The following AK5 variants were observed in gnomAD, a reference collection of about 807,000 sequenced individuals.
AK5 encodes adenylate kinase isoenzyme 5.
Under a neutral mutation model 69.5 loss-of-function variants are expected in AK5, and 27 were observed. That is an observed-to-expected ratio of 0.39 (90% confidence interval 0.29 to 0.54). The LOEUF (loss-of-function observed/expected upper bound fraction) is 0.54, where lower values mean the gene tolerates loss of function less well. Among genes scored for constraint, AK5 ranks in the 20% least tolerant of loss-of-function variants. The probability of loss-of-function intolerance (pLI) is 0.71; values close to 1 mark genes in which losing one functional copy is unlikely to be tolerated. For missense variants in AK5, 531 were observed against 700.4 expected (o/e 0.76, Z 2.73); for synonymous variants, 260 against 244.4 (o/e 1.06, Z -0.60).
At chr1:77,355,900 C>CACACAT (rs1173671492) in intron 6 of AK5, among the ~76,000 whole-genome samples, 1 of 144,040 alleles carries the variant, frequency 6.9e-6, no homozygotes, top group Non-Finnish European at 1.5e-5. Context: ...CACACACACA[C>CACACAT]ACACATATAT....
chr1:77,395,218 A>G (rs1348419881), intron 6 of AK5, among the ~76,000 whole-genome samples: 2 of 152,266 alleles, frequency 1.3e-5, no homozygotes, highest in East Asian at 1.9e-4. Context: ...TCTCTTTGTC[A>G]TTTTGTAAAA....
At chr1:77,470,177 C>A (rs779899895) in intron 8 of AK5, among the ~76,000 whole-genome samples, 1 of 152,124 alleles carries the variant, frequency 6.6e-6, no homozygotes, top group South Asian at 2.1e-4. Flanking sequence ...GCTACAAAAG[C>A]GTCTGTTGCA....
intron 12 of AK5, among the ~76,000 whole-genome samples, chr1:77,530,215 G>A (rs2100340563): frequency 6.6e-6 from 1 of 152,342 alleles, no homozygotes; most frequent in African/African-American, 2.4e-5. Flanking sequence ...CACTTGAGAT[G>A]TTTCTGCTCT....
rs749289212 is a variant in AK5 at position 77,521,815 on chromosome 1, G to A, written c.1312-12G>A. The A allele has an allele frequency of 1.2e-5, 20 of 1,608,162 alleles. No individual in the cohort carries two copies. In the East Asian group the frequency reaches 1.6e-4, roughly 13 times the overall value. Reference sequence around the variant, plus strand: ...AAGAGCTCAGGTCCTGACCACTCTCGCTTTGCTCCAGGGCATCGTTTTGGA... The same window carrying A: ...AAGAGCTCAGGTCCTGACCACTCTCACTTTGCTCCAGGGCATCGTTTTGGA... On this transcript the variant is annotated splice_polypyrimidine_tract_variant and intron_variant, in intron 11 of 13. Coordinates refer to ENST00000354567, the MANE Select transcript of AK5 (RefSeq NM_174858.3).
At chr1:77,475,935 A>T (rs2100707581) in intron 8 of AK5, among the ~76,000 whole-genome samples, 1 of 152,318 alleles carries the variant, frequency 6.6e-6, no homozygotes, top group Admixed American at 6.5e-5. Flanking sequence ...ATTTGAGATG[A>T]TGAAAAAAGG....
At chr1:77,324,850 T>TC (rs1182698503) in intron 5 of AK5, among the ~76,000 whole-genome samples, 3 of 152,176 alleles carry the variant, frequency 2.0e-5, no homozygotes, top group Non-Finnish European at 4.4e-5. Context: ...CATTGGGTAG[T>TC]CTCTCGGCTT....
chr1:77,413,043 G>GA (rs67859581), intron 7 of AK5, among the ~76,000 whole-genome samples: 4 of 151,234 alleles, frequency 2.6e-5, no homozygotes, highest in African/African-American at 7.3e-5. Context: ...CTGCCTTTCT[G>GA]AAAAAAAAAC....
At position 77,470,846 on chromosome 1, in the gene AK5, TATATA is replaced by T. The variant is rs1654424800; in HGVS notation, c.1060-12470_1060-12466del. 2.9e-4 allele frequency among the ~76,000 whole-genome samples: 8 copies of T among 27,206 alleles called. 2 individuals are homozygous for T. Among genetic ancestry groups the T allele is most frequent in the Admixed American group, 8.7e-4 (2 of 2,290 alleles). The allele number at this position is 27,206 out of a possible 152,430, so 17.8% of individuals were successfully genotyped here. On this transcript the variant is annotated intron_variant, in intron 8 of 13. Transcript: ENST00000354567. Reference sequence around the variant, plus strand: ...TTTAGAATATATATATATATATATATATATATATATATATATATATATATATATAT... The same window carrying T: ...TTTAGAATATATATATATATATATATTATATATATATATATATATATATAT...
intron 8 of AK5, among the ~76,000 whole-genome samples, chr1:77,449,066 G>A (rs946881630): frequency 2.6e-5 from 4 of 152,204 alleles, no homozygotes; most frequent in African/African-American, 9.6e-5. Context: ...TGGGGTCAGA[G>A]CCCCTACACA....
chr1:77,337,733 A>C (rs1374453549), intron 5 of AK5, among the ~76,000 whole-genome samples: 3 of 152,210 alleles, frequency 2.0e-5, no homozygotes, highest in African/African-American at 7.2e-5. Context: ...GGAAATACTA[A>C]CTTCTGAGTT....
chr1:77,557,417 C>G (rs1660162571), intron 13 of AK5: 1 of 176,212 alleles, frequency 5.7e-6, no homozygotes, highest in Non-Finnish European at 1.2e-5. Context: ...CCTGGCCTCC[C>G]AGGTGCTTCC....
chr1:77,508,701 T>A (rs1204090182), intron 10 of AK5, among the ~76,000 whole-genome samples: 1 of 151,994 alleles, frequency 6.6e-6, no homozygotes, highest in Non-Finnish European at 1.5e-5. Flanking sequence ...ACCCCGTCTC[T>A]ACTAAAAATA....
chr1:77,429,497 G>T (rs1242618050), intron 8 of AK5, among the ~76,000 whole-genome samples: 1 of 152,058 alleles, frequency 6.6e-6, no homozygotes, highest in Non-Finnish European at 1.5e-5. Context: ...GAGGTGCTGG[G>T]GATACATTGG....
Position 77,340,389 on chromosome 1 carries a change from G to A in AK5, c.712G>A (p.Asp238Asn), listed in dbSNP as rs1019747082. The change falls in exon 6 of 14, where the codon GAT (aspartate) becomes AAT (asparagine). Residue 238 changes from aspartate (D) to asparagine (N), a missense_variant. Asp to Asn is a conservative substitution (Grantham distance 23). Transcript: ENST00000354567. The part of the protein sequence containing the change: ...LSFEDQICTP[D>N]LVVFLACANQ... Reference sequence around the variant, plus strand: ...ATGCTCTCCACAGATCTGTACCCCCGATTTGGTGGTATTCCTGGCTTGTGC... The same window carrying A: ...ATGCTCTCCACAGATCTGTACCCCCAATTTGGTGGTATTCCTGGCTTGTGC... 4.3e-6 allele frequency: 7 copies of A among 1,613,638 alleles called. No individual in the cohort carries two copies. The highest frequency in any genetic ancestry group is 4.0e-5 in the African/African-American group (3 of 74,900).
intron 5 of AK5, among the ~76,000 whole-genome samples, chr1:77,328,860 A>C (rs1557500063): frequency 6.6e-6 from 1 of 152,190 alleles, no homozygotes; most frequent in Non-Finnish European, 1.5e-5. Flanking sequence ...CAGCCTGGGT[A>C]ATTTATAAAG....
At chr1:77,520,221 A>AAAG (rs1422174771) in intron 11 of AK5, among the ~76,000 whole-genome samples, 2 of 146,264 alleles carry the variant, frequency 1.4e-5, no homozygotes, top group Non-Finnish European at 3.0e-5. Context: ...AAAAAAAAAA[A>AAAG]GAGAATACCT....
intron 8 of AK5, among the ~76,000 whole-genome samples, chr1:77,425,636 A>G (rs1396442440): frequency 1.3e-5 from 2 of 152,188 alleles, no homozygotes; most frequent in African/African-American, 2.4e-5. Context: ...ACTCAAATCT[A>G]TGTAAAGAAA....
chr1:77,544,104 T>C (rs1439894969), intron 13 of AK5, among the ~76,000 whole-genome samples: 2 of 152,196 alleles, frequency 1.3e-5, no homozygotes, highest in Admixed American at 6.5e-5. Context: ...ACTGTGGGAA[T>C]TGTAAGACAA....
rs568957413 is a variant in AK5, at chr1:77,283,597, A to G, written c.60+1224A>G. Reference sequence around the variant, plus strand: ...AAGCCACCGTTTTCAGGTCATCTGAAGTCAAGATTTCCAGGTAAACCACTC... The same window carrying G: ...AAGCCACCGTTTTCAGGTCATCTGAGGTCAAGATTTCCAGGTAAACCACTC... On this transcript the variant is annotated intron_variant, in intron 1 of 13. Coordinates refer to ENST00000354567, the MANE Select transcript of AK5 (RefSeq NM_174858.3). 63 of 985,442 alleles carry G rather than the reference A, an allele frequency of 6.4e-5. No homozygotes were observed. The Middle Eastern group carries it at 2.6e-3, about 41-fold the overall frequency. The allele number at this position is 985,442 out of a possible 1,614,324, so 61.0% of individuals were successfully genotyped here. A position where few individuals can be genotyped will look rare whatever the true frequency, so the allele number is the denominator to read the frequency against.
Sources: allele counts gnomAD v4.1 joint callset (sites outside exome capture counted in the v4.1 genomes callset), GRCh38; gene constraint gnomAD v4.1.1; transcripts MANE v1.5; gene names NCBI Gene and HGNC (gene_info 2026-07-23, HGNC 2026-07-21).